The following JAKMIP2 variants were observed in gnomAD, a reference collection of about 807,000 sequenced individuals.
The protein encoded by JAKMIP2 is janus kinase and microtubule-interacting protein 2.
JAKMIP2 carries 25 observed loss-of-function variants against 115.0 expected under a neutral mutation model. The ratio of observed to expected loss-of-function variants is 0.22; its 90% confidence interval spans 0.16 to 0.30. The LOEUF (loss-of-function observed/expected upper bound fraction) is 0.30. Among genes scored for constraint, JAKMIP2 ranks in the 10% least tolerant of loss-of-function variants. The pLI is 1.00. For synonymous variants in JAKMIP2, 334 were observed against 343.6 expected (o/e 0.97, Z 0.31); for missense variants, 642 against 957.6 (o/e 0.67, Z 4.35).
chr5:147,729,721 C>G (rs1417711949), intron 1 of JAKMIP2, among the ~76,000 whole-genome samples: 3 of 151,298 alleles, frequency 2.0e-5, no homozygotes, highest in Non-Finnish European at 2.9e-5. Flanking sequence ...TTGCAGTGAG[C>G]CGAGATCGCG....
chr5:147,766,689 G>A (rs1241534223), intron 1 of JAKMIP2, among the ~76,000 whole-genome samples: 1 of 152,024 alleles, frequency 6.6e-6, no homozygotes, highest in East Asian at 1.9e-4. Flanking sequence ...GGGAGAGAAG[G>A]AAAAAGATAA....
At chr5:147,676,382 C>T (rs1759966409) in intron 1 of JAKMIP2, among the ~76,000 whole-genome samples, 1 of 152,144 alleles carries the variant, frequency 6.6e-6, no homozygotes, top group Non-Finnish European at 1.5e-5. Flanking sequence ...TATCACTGCA[C>T]ACAGGTGGAA....
Position 147,673,924 on chromosome 5 carries a change from C to T in JAKMIP2, c.-148-1970G>A, listed in dbSNP as rs192135353. ...CCAGAGGACCTCCACCAGCCTCCTA[C>T]GTAGTTATGACCCACAGTTCTATAT... On this transcript the variant is annotated intron_variant, in intron 1 of 21. Coordinates refer to ENST00000616793, the MANE Select transcript of JAKMIP2 (RefSeq NM_001270941.2). Among the ~76,000 whole-genome samples, 113 of 152,182 alleles carry T rather than the reference C, an allele frequency of 7.4e-4. 2 individuals carry two copies. The highest frequency in any genetic ancestry group is 6.6e-3 in the Admixed American group (101 of 15,272).
chr5:147,733,405 C>T (rs914304267), intron 1 of JAKMIP2, among the ~76,000 whole-genome samples: 1 of 152,136 alleles, frequency 6.6e-6, no homozygotes, highest in African/African-American at 2.4e-5. Flanking sequence ...CCACTTTGCT[C>T]CCTATGCCTT....
At chr5:147,602,145 T>C (rs941092554) in intron 20 of JAKMIP2, among the ~76,000 whole-genome samples, 5 of 152,226 alleles carry the variant, frequency 3.3e-5, no homozygotes, top group Admixed American at 3.3e-4. Context: ...GGGCTAAAGC[T>C]TAGCTAGCCT....
intron 1 of JAKMIP2, among the ~76,000 whole-genome samples, chr5:147,722,596 C>A (rs891289576): frequency 2.3e-4 from 35 of 152,212 alleles, no homozygotes; most frequent in Non-Finnish European, 4.4e-4. Context: ...ACATGACTAG[C>A]CCCAGCCAAG....
At chr5:147,688,930 A>G (rs1760703294) in intron 1 of JAKMIP2, among the ~76,000 whole-genome samples, 3 of 152,236 alleles carry the variant, frequency 2.0e-5, no homozygotes, top group African/African-American at 7.2e-5. Context: ...AGACCCACAT[A>G]ATAAGCATGC....
intron 20 of JAKMIP2, among the ~76,000 whole-genome samples, chr5:147,608,486 A>C (rs1226159723): frequency 6.6e-6 from 1 of 152,088 alleles, no homozygotes; most frequent in Non-Finnish European, 1.5e-5. Context: ...GTGTGGTTTT[A>C]AGTGAGTTTC....
At position 147,776,974 on chromosome 5, in the gene JAKMIP2, C is replaced by T. The variant is rs369936300; in HGVS notation, c.-149+5482G>A. Reference sequence around the variant, plus strand: ...TTAAAAATTAAAAAATAAAACTACACGACATACCACTACAACACTGGGGAA... The same window carrying T: ...TTAAAAATTAAAAAATAAAACTACATGACATACCACTACAACACTGGGGAA... On this transcript the variant is annotated intron_variant, in intron 1 of 21. Coordinates refer to ENST00000616793, the MANE Select transcript of JAKMIP2 (RefSeq NM_001270941.2). Among the ~76,000 whole-genome samples, 48 of 152,080 alleles carry T rather than the reference C, an allele frequency of 3.2e-4. No homozygotes were observed. The Middle Eastern group carries it at 0.01, about 32-fold the overall frequency.
At chr5:147,765,200 T>C (rs1285432654) in intron 1 of JAKMIP2, among the ~76,000 whole-genome samples, 4 of 152,044 alleles carry the variant, frequency 2.6e-5, no homozygotes, top group Non-Finnish European at 4.4e-5. Flanking sequence ...TAATGGTTTA[T>C]CACAATTCAT....
intron 1 of JAKMIP2, among the ~76,000 whole-genome samples, chr5:147,725,439 A>G (rs1359916481): frequency 6.6e-6 from 1 of 152,088 alleles, no homozygotes; most frequent in Non-Finnish European, 1.5e-5. Context: ...TTTCTCGTGC[A>G]AGGTCCAAGA....
intron 5 of JAKMIP2, among the ~76,000 whole-genome samples, chr5:147,646,891 G>A (rs1161856572): frequency 6.6e-6 from 1 of 151,222 alleles, no homozygotes; most frequent in South Asian, 2.1e-4. Context: ...ACATATTATT[G>A]TTCTACATAT....
At chr5:147,753,033 C>T (rs756548031) in intron 1 of JAKMIP2, among the ~76,000 whole-genome samples, 4 of 152,094 alleles carry the variant, frequency 2.6e-5, no homozygotes, top group Admixed American at 2.6e-4. Context: ...TTTATCTCCT[C>T]CTCATTCTAT....
chr5:147,585,828 T>C lies in JAKMIP2; in HGVS notation c.*5879A>G, dbSNP rs1754844912. 6.6e-6 allele frequency: 1 copy of C among 152,126 alleles called. No homozygotes were observed. The highest frequency in any genetic ancestry group is 2.4e-5 in the African/African-American group (1 of 41,436). The allele number at this position is 152,126 out of a possible 1,614,324, so 9.4% of individuals were successfully genotyped here. ...GTATTCAAACACATTAGCTCTATAC[T>C]TGAGTCCCCAAAGTATTGGATCTTG... On this transcript the variant is annotated 3_prime_UTR_variant, in exon 22 of 22. Transcript: ENST00000616793.
intron 1 of JAKMIP2, among the ~76,000 whole-genome samples, chr5:147,720,119 G>T (rs1290656575): frequency 6.6e-6 from 1 of 152,046 alleles, no homozygotes; most frequent in Non-Finnish European, 1.5e-5. Context: ...GCTTAGTTTG[G>T]CTGGATATGA....
chr5:147,678,216 C>T (rs376366668), intron 1 of JAKMIP2, among the ~76,000 whole-genome samples: 2 of 152,152 alleles, frequency 1.3e-5, no homozygotes, highest in Non-Finnish European at 2.9e-5. Flanking sequence ...GTTGTTCAGG[C>T]TGGTCTCGAA....
intron 18 of JAKMIP2, among the ~76,000 whole-genome samples, chr5:147,619,336 A>G (rs1434453719): frequency 6.7e-6 from 1 of 149,150 alleles, no homozygotes; most frequent in Non-Finnish European, 1.5e-5. Context: ...GGTAGAAGTG[A>G]AGCAAAACTC....
intron 1 of JAKMIP2, among the ~76,000 whole-genome samples, chr5:147,773,937 C>T (rs74435135): frequency 0.017 from 2,646 of 152,114 alleles, 96 homozygotes; most frequent in African/African-American, 0.061. Context: ...TTCCTTTCTA[C>T]TTCATTTTTA....
At chr5:147,736,692 A>G (rs1196034725) in intron 1 of JAKMIP2, among the ~76,000 whole-genome samples, 4 of 152,058 alleles carry the variant, frequency 2.6e-5, no homozygotes, top group Admixed American at 1.3e-4. Context: ...ATGAGGTTGG[A>G]TATTTATATG....
Sources: allele counts gnomAD v4.1 joint callset (sites outside exome capture counted in the v4.1 genomes callset), GRCh38; gene constraint gnomAD v4.1.1; transcripts MANE v1.5; gene names NCBI Gene and HGNC (gene_info 2026-07-23, HGNC 2026-07-21).